The following TENM3 variants were observed in gnomAD, a reference collection of about 807,000 sequenced individuals.
TENM3 encodes teneurin-3.
TENM3 carries 63 observed loss-of-function variants against 255.1 expected under a neutral mutation model. That is an observed-to-expected ratio of 0.25 (90% CI 0.20 to 0.30). The LOEUF (loss-of-function observed/expected upper bound fraction) is 0.30, where lower values mean the gene tolerates loss of function less well. TENM3 is among the 10% of genes least tolerant of loss of function. The probability of loss-of-function intolerance (pLI) is 1.00; values close to 1 mark genes in which losing one functional copy is unlikely to be tolerated. For synonymous variants in TENM3, 1,306 were observed against 1,322.3 expected (o/e 0.99, Z 0.27); for missense variants, 2,929 against 3,461.1 (o/e 0.85, Z 3.86).
intron 12 of TENM3, among the ~76,000 whole-genome samples, chr4:182,694,434 G>A (rs972742989): frequency 6.6e-6 from 1 of 152,186 alleles, no homozygotes; most frequent in East Asian, 1.9e-4. Flanking sequence ...TTTTAAAATC[G>A]TGATGATGAA....
intron 6 of TENM3, 103 bp from the exon 7 acceptor site, chr4:182,672,902 T>G: frequency 2.4e-6 from 2 of 827,110 alleles, no homozygotes; most frequent in Non-Finnish European, 3.7e-6. Context: ...TGAAATGGCT[T>G]GAGCATTTGG....
intron 7 of TENM3, among the ~76,000 whole-genome samples, chr4:182,679,032 A>AG (rs774745644): frequency 6.6e-6 from 1 of 152,120 alleles, no homozygotes; most frequent in Non-Finnish European, 1.5e-5. Flanking sequence ...GGACACAGGG[A>AG]GGGGAACATC....
intron 5 of TENM3, among the ~76,000 whole-genome samples, chr4:182,638,264 A>G (rs1561040739): frequency 6.6e-6 from 1 of 152,222 alleles, no homozygotes; most frequent in Admixed American, 6.5e-5. Context: ...AATGTTTTTA[A>G]AAACTGGTAA....
chr4:182,428,170 A>C (rs1771370706), intron 3 of TENM3, among the ~76,000 whole-genome samples: 1 of 152,208 alleles, frequency 6.6e-6, no homozygotes, highest in South Asian at 2.1e-4. Flanking sequence ...TGGATACTGC[A>C]TTAGGTGCTT....
At chr4:181,565,614 T>A in the TENM3 span, among the ~76,000 whole-genome samples, 1 of 152,184 alleles carries the variant, frequency 6.6e-6, no homozygotes, top group Non-Finnish European at 1.5e-5. Context: ...TGGCTCCCTG[T>A]AGAGAGAAAC....
chr4:182,633,143 A>C (rs1751538676), intron 5 of TENM3, among the ~76,000 whole-genome samples: 1 of 151,948 alleles, frequency 6.6e-6, no homozygotes, highest in Admixed American at 6.6e-5. Flanking sequence ...TGTTTCCTAG[A>C]TTGGTCTCAA....
intron 1 of TENM3, among the ~76,000 whole-genome samples, chr4:182,161,673 A>ATATATATACATATATATATG (rs1386724701): frequency 1.7e-5 from 1 of 60,030 alleles, no homozygotes; most frequent in African/African-American, 6.2e-5. Flanking sequence ...AAATATATAT[A>ATATATATACATATATATATG]TGTATATATA....
intron 12 of TENM3, among the ~76,000 whole-genome samples, chr4:182,693,482 G>A (rs931923863): frequency 6.6e-6 from 1 of 151,810 alleles, no homozygotes; most frequent in African/African-American, 2.4e-5. Context: ...GGTTACAGGC[G>A]CCCACCACCA....
chr4:182,371,699 T>TCGA (rs1437696458), intron 3 of TENM3, among the ~76,000 whole-genome samples: 1 of 152,196 alleles, frequency 6.6e-6, no homozygotes, highest in Non-Finnish European at 1.5e-5. Flanking sequence ...CGGTCTTGTC[T>TCGA]CGTTTCCTAT....
the TENM3 span, among the ~76,000 whole-genome samples, chr4:181,918,167 A>G: frequency 6.6e-6 from 1 of 152,206 alleles, no homozygotes; most frequent in Non-Finnish European, 1.5e-5. Flanking sequence ...CTAGTTAGCT[A>G]CATTTAATTT....
intron 4 of TENM3, among the ~76,000 whole-genome samples, chr4:182,621,800 A>G (rs1218939862): frequency 3.1e-5 from 1 of 32,006 alleles, no homozygotes; most frequent in African/African-American, 9.4e-5. Context: ...TATAATATAT[A>G]ATATATATAT....
chr4:182,179,293 T>G (rs1405436693), intron 1 of TENM3, among the ~76,000 whole-genome samples: 2 of 152,178 alleles, frequency 1.3e-5, no homozygotes, highest in East Asian at 3.9e-4. Flanking sequence ...CAGTGCCCAT[T>G]TACATAATGC....
At chr4:182,008,870 G>A in the TENM3 span, among the ~76,000 whole-genome samples, 4 of 151,918 alleles carry the variant, frequency 2.6e-5, no homozygotes, top group Non-Finnish European at 4.4e-5. Flanking sequence ...GTCTAGTTTC[G>A]GCCTTTGAGG....
chr4:182,003,811 T>C, the TENM3 span, among the ~76,000 whole-genome samples: 3 of 152,174 alleles, frequency 2.0e-5, no homozygotes, highest in African/African-American at 7.2e-5. Flanking sequence ...TTTAGTCTTA[T>C]AGTTCTTTGA....
At chr4:181,772,106 G>T in the TENM3 span, among the ~76,000 whole-genome samples, 1 of 152,174 alleles carries the variant, frequency 6.6e-6, no homozygotes, top group African/African-American at 2.4e-5. Context: ...TTGGCCAGGT[G>T]TGGTGGCTCA....
chr4:182,673,227 T>G lies in TENM3; in HGVS notation c.1326+8T>G. The G allele has an allele frequency of 1.9e-6, 3 of 1,553,658 alleles. No homozygotes were observed. Among genetic ancestry groups the G allele is most frequent in the Non-Finnish European group, 2.6e-6 (3 of 1,139,592 alleles). On this transcript the variant is annotated splice_region_variant and intron_variant, in intron 7 of 27. Transcript: ENST00000511685. ...CCGCCTTCCCATACTCAGGTAAGAC[T>G]AGGCTTTCTTATCAATAAAATAAAA...
intron 1 of TENM3, among the ~76,000 whole-genome samples, chr4:182,164,229 A>G (rs903768859): frequency 3.9e-5 from 6 of 152,182 alleles, no homozygotes; most frequent in Non-Finnish European, 5.9e-5. Flanking sequence ...ATGGATCTGA[A>G]TCCATAATCT....
the TENM3 span, among the ~76,000 whole-genome samples, chr4:181,828,678 T>G: frequency 6.6e-6 from 1 of 152,218 alleles, no homozygotes; most frequent in African/African-American, 2.4e-5. Flanking sequence ...AACCTCCACC[T>G]TGCAGGTTCA....
intron 3 of TENM3, among the ~76,000 whole-genome samples, chr4:182,509,937 C>CA (rs55817843): frequency 0.61 from 63,793 of 104,694 alleles, 19,769 homozygotes; most frequent in Non-Finnish European, 0.71. Context: ...AACTCTGTCT[C>CA]AAAAAAAAAA....
Sources: allele counts gnomAD v4.1 joint callset (sites outside exome capture counted in the v4.1 genomes callset), GRCh38; gene constraint gnomAD v4.1.1; transcripts MANE v1.5; gene names NCBI Gene and HGNC (gene_info 2026-07-23, HGNC 2026-07-21).